Variants in UCHL5 observed in about 807,000 individuals in gnomAD.
UCHL5 encodes ubiquitin carboxyl-terminal hydrolase isozyme L5.
In UCHL5, 34 loss-of-function variants were observed where a neutral mutation model predicts 53.8. The observed-to-expected ratio is 0.63, with a 90% CI of 0.48 to 0.84. UCHL5 has a LOEUF of 0.84. Among genes scored for constraint, UCHL5 ranks in the 40% least tolerant of loss-of-function variants. UCHL5 has a pLI of 0.00. For synonymous variants in UCHL5, 111 were observed against 126.3 expected, an observed-to-expected ratio of 0.88 and a Z score of 0.81; for missense variants, 290 against 385.6, an observed-to-expected ratio of 0.75 and a Z score of 2.08.
chr1:193,043,770 G>T (rs1323000), intron 3 of UCHL5, among the ~76,000 whole-genome samples: 148,346 of 152,246 alleles, frequency 0.97, 72,300 homozygotes, highest in East Asian at 1. Flanking sequence ...AAGAATCGGA[G>T]GGGGTTCCTT....
chr1:193,028,395 G>A (rs1248868224), intron 6 of UCHL5, among the ~76,000 whole-genome samples: 11 of 152,126 alleles, frequency 7.2e-5, no homozygotes, highest in African/African-American at 1.4e-4. Context: ...TTGGTTCTAC[G>A]CATGGGGCAT....
rs1011209470 is a variant in UCHL5, at chr1:193,059,360, C to T, written c.-100G>A. The T allele has an allele frequency of 1.7e-5, 27 of 1,606,306 alleles. No homozygotes were observed. The highest frequency in any genetic ancestry group is 3.4e-5 in the Admixed American group (2 of 58,922). On this transcript the variant is annotated 5_prime_UTR_variant, in exon 1 of 11. Coordinates refer to ENST00000367454, the MANE Select transcript of UCHL5 (RefSeq NM_001199261.3). The surrounding 1 kb of genome is among the most constrained non-coding windows in gnomAD (Gnocchi z 4.9). ...ATCTCAGCAAACCCGCCGCCGAGCT[C>T]GTCAACCACACGTCACCCCGCCTAC...
intron 7 of UCHL5, among the ~76,000 whole-genome samples, chr1:193,026,859 C>A (rs1659434074): frequency 6.6e-6 from 1 of 152,092 alleles, no homozygotes. Context: ...AGATGTCCTT[C>A]AATGGATGAA....
At chr1:193,029,046 T>C in intron 6 of UCHL5, 133 bp downstream of exon 6, 1 of 1,031,948 alleles carries the variant, frequency 9.7e-7, no homozygotes, top group Non-Finnish European at 1.4e-6. Flanking sequence ...CTGAAGAGCT[T>C]AAGGCCTTCA....
intron 8 of UCHL5, 135 bp downstream of exon 8, chr1:193,023,709 C>G (rs1464325259): frequency 7.5e-6 from 5 of 663,708 alleles, no homozygotes; most frequent in Non-Finnish European, 1.3e-5. Flanking sequence ...GGAACCGAAT[C>G]TAGGCAGCCT....
At chr1:193,029,144 C>A in intron 6 of UCHL5, 35 bp downstream of exon 6, 1 of 1,598,012 alleles carries the variant, frequency 6.3e-7, no homozygotes, top group South Asian at 1.1e-5. Context: ...TTTCCCCTGT[C>A]AAAAGTGAAA....
intron 2 of UCHL5, 105 bp downstream of exon 2, chr1:193,051,649 T>A (rs1669095029): frequency 1.7e-6 from 1 of 575,986 alleles, no homozygotes; most frequent in South Asian, 3.3e-5. Context: ...CATAACGTAT[T>A]CAACCTAGAG....
intron 3 of UCHL5, among the ~76,000 whole-genome samples, chr1:193,035,552 A>G (rs1017383566): frequency 1.3e-5 from 2 of 152,150 alleles, no homozygotes; most frequent in African/African-American, 4.8e-5. Flanking sequence ...AAAAGCTGAG[A>G]GAAGTGGCCA....
intron 3 of UCHL5, among the ~76,000 whole-genome samples, chr1:193,037,306 A>G (rs1020507692): frequency 1.3e-5 from 2 of 152,106 alleles, no homozygotes; most frequent in Admixed American, 1.3e-4. Flanking sequence ...AAAAGGACAC[A>G]TAACATCTGA....
At chr1:193,021,897 A>G (rs565884364) in intron 9 of UCHL5, among the ~76,000 whole-genome samples, 1 of 152,182 alleles carries the variant, frequency 6.6e-6, no homozygotes, top group South Asian at 2.1e-4. Context: ...CAATCATTTT[A>G]TCTTTTTTTA....
chr1:193,058,735 G>C (rs551849483), intron 1 of UCHL5, among the ~76,000 whole-genome samples: 24 of 152,370 alleles, frequency 1.6e-4, no homozygotes, highest in Admixed American at 7.2e-4. Flanking sequence ...TGGGCGGCTT[G>C]AGCCGCAGAC....
At chr1:193,029,722 G>T in intron 3 of UCHL5, 65 bp from the exon 4 acceptor site, 1 of 1,302,408 alleles carries the variant, frequency 7.7e-7, no homozygotes, top group South Asian at 1.5e-5. Flanking sequence ...TTTAACTGGT[G>T]ACAATGGCCC....
chr1:193,036,409 A>T (rs575190875), intron 3 of UCHL5, among the ~76,000 whole-genome samples: 2 of 151,750 alleles, frequency 1.3e-5, no homozygotes, highest in Non-Finnish European at 2.9e-5. Context: ...AAACAGACAG[A>T]GAAGGTCACT....
chr1:193,027,450 C>A (rs570445508), intron 7 of UCHL5, among the ~76,000 whole-genome samples: 1 of 152,116 alleles, frequency 6.6e-6, no homozygotes, highest in East Asian at 1.9e-4. Flanking sequence ...TTCGGGAGGC[C>A]AAGGTGGGCA....
chr1:193,020,033 A>G, intron 10 of UCHL5: 1 of 984,924 alleles, frequency 1.0e-6, no homozygotes, highest in Non-Finnish European at 1.2e-6. Context: ...GTATTAATCT[A>G]AAACTTTAAA....
intron 3 of UCHL5, among the ~76,000 whole-genome samples, chr1:193,040,670 T>C (rs929769462): frequency 3.9e-5 from 6 of 152,182 alleles, no homozygotes; most frequent in African/African-American, 1.2e-4. Flanking sequence ...GAAATAAATA[T>C]ATCAAAGAGA....
In UCHL5 at chr1:193,015,011, C is replaced by T. The variant is rs1271505177; in HGVS notation, c.*1340G>A. ...CTTTGAAAACACTCCATAATTATTACTGTATCAACAGCAAAACATATTTAC... is the reference window on the plus strand; with the variant it reads ...CTTTGAAAACACTCCATAATTATTATTGTATCAACAGCAAAACATATTTAC... On this transcript the variant is annotated 3_prime_UTR_variant, in exon 11 of 11. Transcript: ENST00000367454. 1 of 152,032 alleles carries T rather than the reference C, an allele frequency of 6.6e-6. No homozygotes were observed. Among genetic ancestry groups the T allele is most frequent in the Non-Finnish European group, 1.5e-5 (1 of 67,962 alleles). 9.4% of individuals were successfully genotyped at this position (152,032 alleles called of 1,614,324 possible). A position where few individuals can be genotyped will look rare whatever the true frequency, so the allele number is the denominator to read the frequency against.
In UCHL5 at chr1:193,012,382, A is replaced by G. The variant is rs1286703347; in HGVS notation, c.*3969T>C. ...GAGCAGTAGTCCTAGGCATTTCCAT[A>G]TATCTTTTATTCAACCCATTTTCAT... On this transcript the variant is annotated 3_prime_UTR_variant, in exon 11 of 11. Coordinates refer to ENST00000367454, the MANE Select transcript of UCHL5 (RefSeq NM_001199261.3). The G allele has an allele frequency of 6.6e-6, 1 of 152,202 alleles. No individual in the cohort carries two copies. The highest frequency in any genetic ancestry group is 1.5e-5 in the Non-Finnish European group (1 of 68,042). The allele number at this position is 152,202 out of a possible 1,614,324, so 9.4% of individuals were successfully genotyped here.
chr1:193,013,478 C>A lies in UCHL5; in HGVS notation c.*2873G>T, dbSNP rs1184743574. 6.6e-6 allele frequency: 1 copy of A among 151,976 alleles called. No homozygotes were observed. Among genetic ancestry groups the A allele is most frequent in the Non-Finnish European group, 1.5e-5 (1 of 67,998 alleles). 9.4% of individuals were successfully genotyped at this position (151,976 alleles called of 1,614,324 possible). ...TATTTCAGACTATGGGGAGGGCAAG[C>A]AAGACTAACACACAAAAACATATGT... On this transcript the variant is annotated 3_prime_UTR_variant, in exon 11 of 11. Transcript: ENST00000367454.
Sources: allele counts gnomAD v4.1 joint callset (sites outside exome capture counted in the v4.1 genomes callset), GRCh38; gene constraint gnomAD v4.1.1; non-coding constraint Gnocchi (gnomAD v3.1); transcripts MANE v1.5; gene names NCBI Gene and HGNC (gene_info 2026-07-23, HGNC 2026-07-21).